ATG16L1: variants seen among roughly 807,000 people sequenced by gnomAD.
The protein encoded by ATG16L1 is autophagy-related protein 16-1.
A neutral mutation model predicts 88.5 loss-of-function variants in ATG16L1; 37 were observed. The ratio of observed to expected loss-of-function variants is 0.42; its 90% CI spans 0.32 to 0.55. The LOEUF (loss-of-function observed/expected upper bound fraction) is 0.55. ATG16L1 is among the 20% of genes least tolerant of loss of function. ATG16L1 has a pLI of 0.13. For synonymous variants in ATG16L1, 301 were observed against 281.0 expected (o/e 1.07, Z -0.71); for missense variants, 554 against 752.8 (o/e 0.74, Z 3.09).
chr2:233,261,382 C>T lies in ATG16L1; in HGVS notation c.210-1748C>T, dbSNP rs188971406. 9.1e-4 allele frequency among the ~76,000 whole-genome samples: 139 copies of T among 152,204 alleles called. 1 individual carries two copies. Among genetic ancestry groups the T allele is most frequent in the Non-Finnish European group, 2.5e-4 (17 of 68,014 alleles). ...AGGGCAACATAGTGAGATACCATCT[C>T]AATAATTTTTTAAAAGGTGGGGGAG... On this transcript the variant is annotated intron_variant, in intron 2 of 17. Transcript: ENST00000392017.
intron 12 of ATG16L1, among the ~76,000 whole-genome samples, chr2:233,285,500 A>AGGTTGCTG (rs1395271474): frequency 2.0e-5 from 3 of 152,240 alleles, no homozygotes; most frequent in Admixed American, 2.0e-4. Flanking sequence ...AGCAGGGCGC[A>AGGTTGCTG]GGCTGCTGGG....
intron 10 of ATG16L1, among the ~76,000 whole-genome samples, chr2:233,279,776 G>A (rs1698605234): frequency 6.6e-6 from 1 of 151,758 alleles, no homozygotes; most frequent in Non-Finnish European, 1.5e-5. Flanking sequence ...CCCGTATCTT[G>A]TAGATAATTA....
chr2:233,268,536 T>C (rs776994940), intron 5 of ATG16L1, among the ~76,000 whole-genome samples: 20 of 152,322 alleles, frequency 1.3e-4, no homozygotes, highest in Non-Finnish European at 2.1e-4. Flanking sequence ...CCTGTGACCC[T>C]AAGTCAAGTT....
At chr2:233,286,397 A>T (rs1274844975) in intron 12 of ATG16L1, among the ~76,000 whole-genome samples, 1 of 152,132 alleles carries the variant, frequency 6.6e-6, no homozygotes, top group Non-Finnish European at 1.5e-5. Context: ...AAAGTAGAAG[A>T]TGAAACCTAA....
At chr2:233,289,533 A>T (rs191305027) in intron 12 of ATG16L1, among the ~76,000 whole-genome samples, 26 of 152,156 alleles carry the variant, frequency 1.7e-4, no homozygotes, top group Middle Eastern at 3.4e-3. Flanking sequence ...CCCCAGGCGC[A>T]TGCCACCACT....
At chr2:233,293,974 A>C (rs1477164998) in intron 17 of ATG16L1, among the ~76,000 whole-genome samples, 2 of 152,146 alleles carry the variant, frequency 1.3e-5, no homozygotes, top group African/African-American at 4.8e-5. Flanking sequence ...TTTCCAGCTC[A>C]CTCAGAGCTC....
At chr2:233,272,942 A>G (rs1698091601) in intron 6 of ATG16L1, 24 bp from the exon 7 acceptor site, 1 of 1,600,904 alleles carries the variant, frequency 6.2e-7, no homozygotes. Context: ...GGAGAATCAA[A>G]GAATGTCTTG....
chr2:233,266,837 A>G lies in ATG16L1; in HGVS notation c.641+1694A>G, dbSNP rs77865959. On this transcript the variant is annotated intron_variant, in intron 5 of 17. Coordinates refer to ENST00000392017, the MANE Select transcript of ATG16L1 (RefSeq NM_030803.7). ...AATCATGTTATTTACAACCACTTGG[A>G]TGGAACTGGAGGACAGTATATTAAG... Among the ~76,000 whole-genome samples the G allele has an allele frequency of 3.0e-4, 45 of 152,326 alleles. 1 individual carries two copies. The East Asian group carries it at 8.1e-3, about 27-fold the overall frequency.
chr2:233,264,414 A>G (rs1339867026), intron 4 of ATG16L1, among the ~76,000 whole-genome samples: 1 of 152,134 alleles, frequency 6.6e-6, no homozygotes, highest in African/African-American at 2.4e-5. Context: ...CCCTTGGGAA[A>G]AGGGAAATGA....
chr2:233,255,334 C>T lies in ATG16L1; in HGVS notation c.116-768C>T, dbSNP rs372620665. On this transcript the variant is annotated intron_variant, in intron 1 of 17. Coordinates refer to ENST00000392017, the MANE Select transcript of ATG16L1 (RefSeq NM_030803.7). ...GTTTTGAATTTCTGTACTCTGTCTCCTGTCAAATTTATTATGTTTGGAAAG... is the reference window on the plus strand; with the variant it reads ...GTTTTGAATTTCTGTACTCTGTCTCTTGTCAAATTTATTATGTTTGGAAAG... Among the ~76,000 whole-genome samples, 16 of 152,288 alleles carry T rather than the reference C, an allele frequency of 1.1e-4. No individual in the cohort carries two copies. The East Asian group carries it at 2.9e-3, about 28-fold the overall frequency.
In ATG16L1 at chr2:233,274,688, CTCTT is replaced by C; in HGVS notation, c.865_868del (p.Ser289ProfsTer19). 1 of 1,609,086 alleles carries C rather than the reference CTCTT, an allele frequency of 6.2e-7. No individual in the cohort carries two copies. Among genetic ancestry groups the C allele is most frequent in the Non-Finnish European group, 8.5e-7 (1 of 1,175,504 alleles). On this transcript the variant is annotated frameshift_variant, in exon 9 of 18. Coordinates refer to ENST00000392017, the MANE Select transcript of ATG16L1 (RefSeq NM_030803.7). LOFTEE classifies it high-confidence loss of function. ...TGTTATTTCTTAGGAGACGCTCTGT[CTCTT>C]CCTTCCCAGTCCCCCAGGACAATGT...
At position 233,277,752 on chromosome 2, in the gene ATG16L1, G is replaced by A. The variant is rs1698471689; in HGVS notation, c.1060+79G>A. 7.6e-6 allele frequency: 10 copies of A among 1,312,036 alleles called. No homozygotes were observed. In the East Asian group the frequency reaches 2.3e-4, roughly 31 times the overall value. The allele number at this position is 1,312,036 out of a possible 1,614,324, so 81.3% of individuals were successfully genotyped here. A position where few individuals can be genotyped will look rare whatever the true frequency, so the allele number is the denominator to read the frequency against. ...CACTGCAGAAAGAAGCTGTGTTGCT[G>A]GCATCTGGTTGACCTTGCTTTCAGG... is the stretch of plus-strand genomic sequence containing the variant. On this transcript the variant is annotated intron_variant, in intron 10 of 17. Coordinates refer to ENST00000392017, the MANE Select transcript of ATG16L1 (RefSeq NM_030803.7).
intron 12 of ATG16L1, among the ~76,000 whole-genome samples, chr2:233,286,053 C>T (rs1232135181): frequency 6.6e-6 from 1 of 152,180 alleles, no homozygotes; most frequent in African/African-American, 2.4e-5. Flanking sequence ...CCCCCCTGCC[C>T]ACTTCTCTCG....
At chr2:233,259,186 A>G (rs1480104354) in intron 2 of ATG16L1, among the ~76,000 whole-genome samples, 3 of 152,172 alleles carry the variant, frequency 2.0e-5, no homozygotes, top group Non-Finnish European at 4.4e-5. Context: ...GGCAGTAGAA[A>G]GCAGGGTGGT....
At chr2:233,260,025 C>G (rs528369080) in intron 2 of ATG16L1, among the ~76,000 whole-genome samples, 1 of 152,290 alleles carries the variant, frequency 6.6e-6, no homozygotes, top group South Asian at 2.1e-4. Flanking sequence ...GGGAGACCAA[C>G]TCAAAGGGAC....
chr2:233,288,943 T>A, intron 12 of ATG16L1: 1 of 514,512 alleles, frequency 1.9e-6, no homozygotes, highest in Non-Finnish European at 3.9e-6. Context: ...CTGAGACCTC[T>A]GATTGAAAAT....
At chr2:233,256,537 G>A (rs1481664113) in intron 2 of ATG16L1, among the ~76,000 whole-genome samples, 1 of 152,028 alleles carries the variant, frequency 6.6e-6, no homozygotes, top group Middle Eastern at 3.2e-3. Context: ...TTCTGAGCGG[G>A]TTTGTGTAGA....
chr2:233,259,177 G>A (rs1034195681), intron 2 of ATG16L1, among the ~76,000 whole-genome samples: 2 of 152,160 alleles, frequency 1.3e-5, no homozygotes, highest in African/African-American at 4.8e-5. Context: ...GGGTACTTAG[G>A]CAGTAGAAAG....
chr2:233,266,198 G>GGGAGGCGGAGGCGGAGGCGGAGGC (rs138169752), intron 5 of ATG16L1: 2 of 151,130 alleles, frequency 1.3e-5, no homozygotes, highest in African/African-American at 4.9e-5. Flanking sequence ...CCAGCACTTT[G>GGGAGGCGGAGGCGGAGGCGGAGGC]GGAGGCGGAG....
Sources: allele counts gnomAD v4.1 joint callset (sites outside exome capture counted in the v4.1 genomes callset), GRCh38; gene constraint gnomAD v4.1.1; transcripts MANE v1.5; gene names NCBI Gene and HGNC (gene_info 2026-07-23, HGNC 2026-07-21).